Variants in DYNC2H1 observed in about 807,000 individuals in gnomAD.
DYNC2H1 encodes dynein cytoplasmic 2 heavy chain 1, also known as cytoplasmic dynein 2 heavy chain 1.
Under a neutral mutation model 570.0 loss-of-function variants are expected in DYNC2H1, and 410 were observed. The ratio of observed to expected loss-of-function variants is 0.72; its 90% CI spans 0.66 to 0.78. DYNC2H1 has a LOEUF of 0.78. Among genes scored for constraint, DYNC2H1 ranks in the 30% least tolerant of loss-of-function variants. DYNC2H1 has a pLI of 0.00. For missense variants in DYNC2H1, 4,865 were observed against 5,046.4 expected (o/e 0.96, Z 1.09); for synonymous variants, 1,688 against 1,677.6 (o/e 1.01, Z -0.15).
At chr11:103,421,719 G>T (rs1422641729) in intron 84 of DYNC2H1, among the ~76,000 whole-genome samples, 1 of 152,040 alleles carries the variant, frequency 6.6e-6, no homozygotes, top group African/African-American at 2.4e-5. Context: ...TGTTAAGCAG[G>T]AAATTTATAG....
At position 103,399,709 on chromosome 11, in the gene DYNC2H1, A is replaced by G. The variant is rs951823778; in HGVS notation, c.12203A>G (p.Gln4068Arg). 1 of 1,613,636 alleles carries G rather than the reference A, an allele frequency of 6.2e-7. No individual in the cohort carries two copies. Among genetic ancestry groups the G allele is most frequent in the Non-Finnish European group, 8.5e-7 (1 of 1,179,794 alleles). ...AAAGTGCCTCCTCCTAACGATCGACAAGGATCTCCAATACTGTCATTCATC... is the reference window on the plus strand; with the variant it reads ...AAAGTGCCTCCTCCTAACGATCGACGAGGATCTCCAATACTGTCATTCATC... ...HQKVPPPNDRQGSPILSFIIL... is the reference protein window; with the variant it reads ...HQKVPPPNDRRGSPILSFIIL... Residue 4068 changes from glutamine (Q) to arginine (R), a missense_variant, in exon 84 of 89, where the codon CAA becomes CGA. Transcript: ENST00000375735.
At chr11:103,362,993 T>C (rs978827667) in intron 83 of DYNC2H1, among the ~76,000 whole-genome samples, 8 of 152,076 alleles carry the variant, frequency 5.3e-5, no homozygotes, top group Non-Finnish European at 8.8e-5. Flanking sequence ...ATTGTACCAC[T>C]GCACTCCAGC....
chr11:103,423,351 G>A (rs1194716901), intron 84 of DYNC2H1, among the ~76,000 whole-genome samples: 1 of 137,900 alleles, frequency 7.3e-6, no homozygotes, highest in South Asian at 2.3e-4. Flanking sequence ...AATAAGAAAA[G>A]GAAAATCTCT....
chr11:103,472,004 G>C lies in DYNC2H1; in HGVS notation c.12765+3299G>C, dbSNP rs549316634. Among the ~76,000 whole-genome samples, 2 of 152,264 alleles carry C rather than the reference G, an allele frequency of 1.3e-5. No individual in the cohort carries two copies. Among genetic ancestry groups the C allele is most frequent in the East Asian group, 3.9e-4 (2 of 5,184 alleles). On this transcript the variant is annotated intron_variant, in intron 88 of 88. Coordinates refer to ENST00000375735, the MANE Select transcript of DYNC2H1 (RefSeq NM_001377.3). The surrounding 1 kb of genome is among the most constrained non-coding windows in gnomAD (Gnocchi z 4.1). ...TTTAAGGACAAATTCAAAAAAGATAGGGTAACAAGGCATTCCAGACAGAAG... is the reference window on the plus strand; with the variant it reads ...TTTAAGGACAAATTCAAAAAAGATACGGTAACAAGGCATTCCAGACAGAAG...
At chr11:103,476,121 G>A (rs1228087668) in intron 88 of DYNC2H1, among the ~76,000 whole-genome samples, 4 of 152,166 alleles carry the variant, frequency 2.6e-5, no homozygotes, top group Non-Finnish European at 5.9e-5. Flanking sequence ...TTTAAGATCG[G>A]CTAAGGAGTC....
At position 103,286,264 on chromosome 11, in the gene DYNC2H1, C is replaced by T. The variant is rs769053227; in HGVS notation, c.10900C>T (p.Pro3634Ser). 3.7e-6 allele frequency: 6 copies of T among 1,613,218 alleles called. No homozygotes were observed. The highest frequency in any genetic ancestry group is 5.1e-6 in the Non-Finnish European group (6 of 1,179,676). ...CATTTTTATTTTTTAGATTGCTCTC[C>T]CCAGTCTTTATCAGACCCTCTGCTT... is the stretch of plus-strand genomic sequence containing the variant. ...WAVATLKIALPSLYQTLCFED... is the reference protein window; with the variant it reads ...WAVATLKIALSSLYQTLCFED... The change falls in exon 74 of 89, where the codon CCC (proline) becomes TCC (serine). Residue 3634 changes from proline (P) to serine (S), a missense_variant. By Grantham distance (74) the Pro-to-Ser change is moderately conservative. Coordinates refer to ENST00000375735, the MANE Select transcript of DYNC2H1 (RefSeq NM_001377.3).
chr11:103,479,332 T>C lies in DYNC2H1; in HGVS notation c.*79T>C. ...CTTTAAATCAAACATGTGGTCAGTC[T>C]ACATTTGAAATGTTAGTTCAAAATA... On this transcript the variant is annotated 3_prime_UTR_variant, in exon 89 of 89. Transcript: ENST00000375735. 1 of 1,462,226 alleles carries C rather than the reference T, an allele frequency of 6.8e-7. No individual in the cohort carries two copies. The highest frequency in any genetic ancestry group is 9.1e-7 in the Non-Finnish European group (1 of 1,098,968). The allele number at this position is 1,462,226 out of a possible 1,614,324, so 90.6% of individuals were successfully genotyped here. A position where few individuals can be genotyped will look rare whatever the true frequency, so the allele number is the denominator to read the frequency against.
intron 86 of DYNC2H1, among the ~76,000 whole-genome samples, chr11:103,455,537 A>T (rs1294874350): frequency 6.6e-6 from 1 of 152,156 alleles, no homozygotes; most frequent in African/African-American, 2.4e-5. Context: ...TATAATTTTG[A>T]TCATTTATCT....
At chr11:103,288,917 G>C (rs1591529511) in intron 75 of DYNC2H1, among the ~76,000 whole-genome samples, 2 of 150,948 alleles carry the variant, frequency 1.3e-5, no homozygotes, top group African/African-American at 4.9e-5. Flanking sequence ...TATGGTTTAG[G>C]GGTCATGCAG....
intron 70 of DYNC2H1, among the ~76,000 whole-genome samples, chr11:103,279,568 C>G (rs1458094668): frequency 6.6e-6 from 1 of 151,750 alleles, no homozygotes; most frequent in Non-Finnish European, 1.5e-5. Flanking sequence ...TTTTTTCCTC[C>G]TTCCTTTACT....
At position 103,210,522 on chromosome 11, in the gene DYNC2H1, T is replaced by A. The variant is rs527696989; in HGVS notation, c.8539+562T>A. On this transcript the variant is annotated intron_variant, in intron 53 of 88. Coordinates refer to ENST00000375735, the MANE Select transcript of DYNC2H1 (RefSeq NM_001377.3). ...ACTGTACTGGGCTGGATATTAGAGA[T>A]CACTTGGTAGCTCATAGTCCAGTGA... Among the ~76,000 whole-genome samples, 8 of 152,142 alleles carry A rather than the reference T, an allele frequency of 5.3e-5. No homozygotes were observed. The South Asian group carries it at 1.7e-3, about 31-fold the overall frequency.
intron 83 of DYNC2H1, among the ~76,000 whole-genome samples, chr11:103,393,905 A>G (rs1206234578): frequency 1.3e-5 from 2 of 152,176 alleles, no homozygotes; most frequent in African/African-American, 4.8e-5. Flanking sequence ...AGACTATCAG[A>G]TTTCATGAGA....
At chr11:103,122,739 C>A in intron 10 of DYNC2H1, 86 bp from the exon 11 acceptor site, 1 of 1,123,654 alleles carries the variant, frequency 8.9e-7, no homozygotes, top group Non-Finnish European at 1.3e-6. Flanking sequence ...ATTTCTGAAT[C>A]ACAGATCAGA....
At chr11:103,471,088 A>C (rs892052562) in intron 88 of DYNC2H1, among the ~76,000 whole-genome samples, 2 of 152,038 alleles carry the variant, frequency 1.3e-5, no homozygotes, top group Non-Finnish European at 2.9e-5. Flanking sequence ...TTGTTTCCTG[A>C]CTTTTTAATG....
intron 83 of DYNC2H1, among the ~76,000 whole-genome samples, chr11:103,389,244 C>T (rs543107209): frequency 5.3e-5 from 8 of 152,228 alleles, no homozygotes; most frequent in South Asian, 2.1e-4. Context: ...GTGTATGTGT[C>T]GAGGAATTTA....
chr11:103,139,054 G>T (rs915503283), intron 17 of DYNC2H1, among the ~76,000 whole-genome samples: 6 of 150,192 alleles, frequency 4.0e-5, no homozygotes, highest in Non-Finnish European at 7.5e-5. Flanking sequence ...GGGATCGGTG[G>T]TGATATCCCC....
In DYNC2H1 at chr11:103,116,559, T is replaced by C. The variant is rs781542569; in HGVS notation, c.622-11T>C. 1 of 1,567,202 alleles carries C rather than the reference T, an allele frequency of 6.4e-7. No individual in the cohort carries two copies. Among genetic ancestry groups the C allele is most frequent in the Admixed American group, 1.8e-5 (1 of 54,366 alleles). On this transcript the variant is annotated splice_polypyrimidine_tract_variant and intron_variant, in intron 4 of 88. Coordinates refer to ENST00000375735, the MANE Select transcript of DYNC2H1 (RefSeq NM_001377.3). ...ATAATTATGTTTAAAAATTAATGCA[T>C]TTTTTTCTAGGAGTTTTATAACTTG...
At chr11:103,411,039 G>A (rs1199276202) in intron 84 of DYNC2H1, among the ~76,000 whole-genome samples, 2 of 151,240 alleles carry the variant, frequency 1.3e-5, no homozygotes, top group Admixed American at 1.3e-4. Context: ...TAAAGACCAG[G>A]ACCAAACCTA....
chr11:103,339,330 C>A (rs754356994), intron 82 of DYNC2H1, among the ~76,000 whole-genome samples: 14 of 152,164 alleles, frequency 9.2e-5, no homozygotes, highest in South Asian at 4.1e-4. Flanking sequence ...GGCCCATGGC[C>A]ACCACCATGT....
Sources: allele counts gnomAD v4.1 joint callset (sites outside exome capture counted in the v4.1 genomes callset), GRCh38; gene constraint gnomAD v4.1.1; non-coding constraint Gnocchi (gnomAD v3.1); transcripts MANE v1.5; gene names NCBI Gene and HGNC (gene_info 2026-07-23, HGNC 2026-07-21).